FRAS1: variants seen among roughly 807,000 people sequenced by gnomAD.
FRAS1 encodes Fraser extracellular matrix complex subunit 1.
A neutral mutation model predicts 435.2 loss-of-function variants in FRAS1; 290 were observed. The observed-to-expected ratio is 0.67, with a 90% CI of 0.61 to 0.73. FRAS1 has a LOEUF of 0.73. FRAS1 is among the 30% of genes least tolerant of loss of function. The pLI, the probability that FRAS1 is intolerant of heterozygous loss-of-function variation, is 0.00. For missense variants in FRAS1, 4,860 were observed against 5,001.5 expected (o/e 0.97, Z 0.85); for synonymous variants, 1,800 against 1,851.0 (o/e 0.97, Z 0.71).
At chr4:78,424,474 GTTCT>G (rs1321892117) in intron 35 of FRAS1, 54 bp downstream of exon 35, 2 of 891,248 alleles carry the variant, frequency 2.2e-6, no homozygotes, top group South Asian at 2.1e-5. Context: ...TTCCTTATTA[GTTCT>G]TTCTTTTTGT....
At chr4:78,438,839 G>A (rs1171337986) in intron 39 of FRAS1, 63 bp from the exon 40 acceptor site, 2 of 1,521,118 alleles carry the variant, frequency 1.3e-6, no homozygotes, top group African/African-American at 2.8e-5. Context: ...AAACAAAGAT[G>A]CTGCTGTCTT....
chr4:78,250,988 C>G (rs1186683381), intron 4 of FRAS1, among the ~76,000 whole-genome samples: 1 of 152,026 alleles, frequency 6.6e-6, no homozygotes, highest in African/African-American at 2.4e-5. Flanking sequence ...ATATAATCTG[C>G]AATTTTTAAG....
chr4:78,446,786 G>A lies in FRAS1; in HGVS notation c.5916G>A (p.Ser1972=), dbSNP rs910717543. ...AGCCCCTCAGAGTGCAGCTGAGCTC[G>A]GGAGTGGTGATAAGCAATTCTTCTT... The part of the protein sequence containing the change: ...TLQPLRVQLS[S]GVVISNSSLS... The change falls in exon 43 of 74, where the codon TCG becomes TCA. Residue 1972 remains serine (S), a synonymous_variant. Transcript: ENST00000512123. The A allele has an allele frequency of 1.6e-5, 26 of 1,613,450 alleles. No individual in the cohort carries two copies. The African/African-American group carries it at 2.0e-4, about 12-fold the overall frequency.
At chr4:78,114,290 T>G (rs58567813) in intron 2 of FRAS1, among the ~76,000 whole-genome samples, 9,558 of 152,248 alleles carry the variant, frequency 0.063, 817 homozygotes, top group African/African-American at 0.19. Context: ...TCTTTTGGCT[T>G]AGGATTGACT....
chr4:78,112,094 CT>C (rs1318174642), intron 2 of FRAS1, among the ~76,000 whole-genome samples: 4 of 151,978 alleles, frequency 2.6e-5, no homozygotes, highest in African/African-American at 7.2e-5. Context: ...ATGTGTTGCC[CT>C]TTTTTTCTGT....
At position 78,162,008 on chromosome 4, in the gene FRAS1, A is replaced by G. The variant is rs17420328; in HGVS notation, c.109-75502A>G. Among the ~76,000 whole-genome samples, 87 of 152,170 alleles carry G rather than the reference A, an allele frequency of 5.7e-4. 1 individual carries two copies. Among genetic ancestry groups the G allele is most frequent in the Middle Eastern group, 3.4e-3 (1 of 294 alleles). On this transcript the variant is annotated intron_variant, in intron 2 of 73. Coordinates refer to ENST00000512123, the MANE Select transcript of FRAS1 (RefSeq NM_025074.7). ...GATGAATTTAGTCACCCACTTTCCA[A>G]TTCCTAACTCCATGCATTTTTCAAG...
intron 18 of FRAS1, among the ~76,000 whole-genome samples, chr4:78,330,599 T>G (rs546271487): frequency 6.6e-6 from 1 of 152,308 alleles, no homozygotes; most frequent in East Asian, 1.9e-4. Context: ...GTCTCTGAAC[T>G]GGCCCCCCTG....
intron 58 of FRAS1, among the ~76,000 whole-genome samples, chr4:78,486,599 C>A (rs1720174902): frequency 6.6e-6 from 1 of 152,114 alleles, no homozygotes; most frequent in Non-Finnish European, 1.5e-5. Context: ...GATTATACTG[C>A]CTTATGGGGT....
chr4:78,479,391 G>A lies in FRAS1; in HGVS notation c.8116G>A (p.Val2706Ile). 1.3e-6 allele frequency: 2 copies of A among 1,498,618 alleles called. No individual in the cohort carries two copies. The highest frequency in any genetic ancestry group is 1.8e-6 in the Non-Finnish European group (2 of 1,120,592). 92.8% of individuals were successfully genotyped at this position (1,498,618 alleles called of 1,614,324 possible). ...IERKGDASSIVSAICYTVPKS... is the reference protein window; with the variant it reads ...IERKGDASSIISAICYTVPKS... ...TATTTCAGGAGATGCAAGCAGCATT[G>A]TATCTGCAATTTGCTACACAGTCCC... Residue 2706 changes from valine (V) to isoleucine (I), a missense_variant, in exon 56 of 74, where the codon GTA (valine) becomes ATA (isoleucine). Val to Ile is a conservative substitution (Grantham distance 29). Coordinates refer to ENST00000512123, the MANE Select transcript of FRAS1 (RefSeq NM_025074.7).
chr4:78,499,838 A>G lies in FRAS1; in HGVS notation c.9233A>G (p.Lys3078Arg), dbSNP rs754162922. The part of the protein sequence containing the change: ...IRRGDQNRTS[K>R]VRCSTRDGSA... ...AGAGGGGATCAGAACAGGACCTCCA[A>G]GGTTCGCTGCAGCACGCGGGATGGC... The change falls in exon 61 of 74, where the codon AAG (lysine) becomes AGG (arginine). Residue 3078 changes from lysine (K) to arginine (R), a missense_variant. Physicochemically the swap from Lys to Arg is conservative, Grantham distance 26 (BLOSUM62 2). Transcript: ENST00000512123. 1 of 1,613,576 alleles carries G rather than the reference A, an allele frequency of 6.2e-7. No individual in the cohort carries two copies. The highest frequency in any genetic ancestry group is 1.3e-5 in the African/African-American group (1 of 74,926).
chr4:78,418,807 T>C, intron 32 of FRAS1, 142 bp from the exon 33 acceptor site: 1 of 560,636 alleles, frequency 1.8e-6, no homozygotes, highest in Non-Finnish European at 3.1e-6. Context: ...ACCAGATCCT[T>C]CTTTTGAACT....
At chr4:78,062,358 T>G (rs1739798047) in intron 1 of FRAS1, among the ~76,000 whole-genome samples, 3 of 152,220 alleles carry the variant, frequency 2.0e-5, no homozygotes, top group Admixed American at 2.0e-4. Flanking sequence ...TGATTCTATT[T>G]TAAGTATTCC....
intron 31 of FRAS1, among the ~76,000 whole-genome samples, chr4:78,411,615 A>G (rs377421726): frequency 1.3e-5 from 2 of 152,176 alleles, no homozygotes; most frequent in East Asian, 3.8e-4. Context: ...GGGTATATTC[A>G]GGTCACTTTG....
chr4:78,463,890 G>A (rs1186218561), intron 47 of FRAS1, 131 bp from the exon 48 acceptor site: 2 of 974,614 alleles, frequency 2.1e-6, no homozygotes, highest in Non-Finnish European at 3.1e-6. Flanking sequence ...GTCCTCAAGT[G>A]GAGGAAATAA....
intron 20 of FRAS1, among the ~76,000 whole-genome samples, chr4:78,343,776 C>T (rs1313353587): frequency 6.6e-6 from 1 of 152,170 alleles, no homozygotes; most frequent in African/African-American, 2.4e-5. Context: ...ATTAAGAACC[C>T]TGGAGGGAGC....
chr4:78,267,582 G>A (rs28592072), intron 9 of FRAS1, 150 bp downstream of exon 9: 75 of 720,436 alleles, frequency 1.0e-4, no homozygotes, highest in South Asian at 2.3e-4. Context: ...TAAAGCTTCC[G>A]TGGTATAAAA....
chr4:78,415,505 G>A (rs1325170317), intron 32 of FRAS1, among the ~76,000 whole-genome samples: 2 of 152,192 alleles, frequency 1.3e-5, no homozygotes, highest in African/African-American at 4.8e-5. Flanking sequence ...AATGCTGTTT[G>A]CTGCTTCCCA....
intron 2 of FRAS1, among the ~76,000 whole-genome samples, chr4:78,088,666 A>G (rs11098038): frequency 0.67 from 101,640 of 151,820 alleles, 35,376 homozygotes; most frequent in East Asian, 0.88. Context: ...CAGCCAAAAA[A>G]CACATGAAAA....
At chr4:78,330,725 T>C (rs376662754) in intron 18 of FRAS1, among the ~76,000 whole-genome samples, 6,638 of 152,284 alleles carry the variant, frequency 0.044, 401 homozygotes, top group African/African-American at 0.14. Flanking sequence ...TTGGTCAGAC[T>C]GGTTGATTGC....
Sources: allele counts gnomAD v4.1 joint callset (sites outside exome capture counted in the v4.1 genomes callset), GRCh38; gene constraint gnomAD v4.1.1; transcripts MANE v1.5; gene names NCBI Gene and HGNC (gene_info 2026-07-23, HGNC 2026-07-21).